Variants in STAU2 observed in about 807,000 individuals in gnomAD.
The protein encoded by STAU2 is double-stranded RNA-binding protein Staufen homolog 2.
A neutral mutation model predicts 65.9 loss-of-function variants in STAU2; 20 were observed. That is an observed-to-expected ratio of 0.30 (90% confidence interval 0.21 to 0.44). The LOEUF (loss-of-function observed/expected upper bound fraction) is 0.44, where lower values mean the gene tolerates loss of function less well. STAU2 is among the 20% of genes least tolerant of loss of function. The probability of loss-of-function intolerance (pLI) is 1.00; values close to 1 mark genes in which losing one functional copy is unlikely to be tolerated. For missense variants in STAU2, 558 were observed against 683.9 expected, an observed-to-expected ratio of 0.82 and a Z score of 2.05; for synonymous variants, 232 against 233.9, an observed-to-expected ratio of 0.99 and a Z score of 0.07.
chr8:73,457,395 G>T (rs1819125848), intron 13 of STAU2, among the ~76,000 whole-genome samples: 1 of 152,202 alleles, frequency 6.6e-6, no homozygotes, highest in Admixed American at 6.5e-5. Flanking sequence ...CAGGGGCTGT[G>T]TGGCCTCCAC....
rs140667237 is a variant in STAU2 at position 73,552,107 on chromosome 8, C to T, written c.1435G>A (p.Ala479Thr). Residue 479 changes from alanine to threonine, a missense_variant, in exon 13 of 15, where the codon GCC becomes ACC. Ala to Thr is a moderately conservative substitution (Grantham distance 58). This residue lies in a region of STAU2 where 247 missense variants were observed against 270.1 expected (regional missense o/e 0.91). Coordinates refer to ENST00000524300, the MANE Select transcript of STAU2 (RefSeq NM_001164380.2). Reference sequence around the variant, plus strand: ...GGAGAACTTCCTTTTAAACCTATGGCTTCAGCTGTAGAAGATGTTCCATTC... The same window carrying T: ...GGAGAACTTCCTTTTAAACCTATGGTTTCAGCTGTAGAAGATGTTCCATTC... Reference protein sequence around the residue: ...LMNGTSSTAEAIGLKGSSPTP... With the variant: ...LMNGTSSTAETIGLKGSSPTP... 3.7e-6 allele frequency: 6 copies of T among 1,613,690 alleles called. No homozygotes were observed. The highest frequency in any genetic ancestry group is 2.7e-5 in the African/African-American group (2 of 74,914).
At chr8:73,703,306 T>C (rs1820255118) in intron 4 of STAU2, among the ~76,000 whole-genome samples, 2 of 152,168 alleles carry the variant, frequency 1.3e-5, no homozygotes, top group South Asian at 4.1e-4. Flanking sequence ...CTCCTGCTTT[T>C]ACCATATGAC....
At chr8:73,705,622 A>G (rs1397538016) in intron 4 of STAU2, among the ~76,000 whole-genome samples, 1 of 152,196 alleles carries the variant, frequency 6.6e-6, no homozygotes, top group African/African-American at 2.4e-5. Flanking sequence ...TAGGAAATAA[A>G]CTAATATTAC....
At chr8:73,499,720 G>A (rs539506648) in intron 13 of STAU2, among the ~76,000 whole-genome samples, 92 of 151,924 alleles carry the variant, frequency 6.1e-4, no homozygotes, top group African/African-American at 2.2e-3. Flanking sequence ...AGGACAGAAT[G>A]GTGGAGGTGG....
intron 13 of STAU2, among the ~76,000 whole-genome samples, chr8:73,535,236 C>G (rs1022361246): frequency 6.6e-6 from 1 of 152,034 alleles, no homozygotes; most frequent in African/African-American, 2.4e-5. Context: ...GTGGCGTGAT[C>G]TTGGCTCACT....
chr8:73,664,386 A>T (rs1360571873), intron 6 of STAU2, among the ~76,000 whole-genome samples: 3 of 152,202 alleles, frequency 2.0e-5, no homozygotes, highest in Non-Finnish European at 4.4e-5. Context: ...CTGATCTTAC[A>T]AGTATTCAGT....
intron 10 of STAU2, among the ~76,000 whole-genome samples, chr8:73,599,461 C>T (rs1811463782): frequency 6.6e-6 from 1 of 151,874 alleles, no homozygotes; most frequent in Non-Finnish European, 1.5e-5. Context: ...GTGGGCAATC[C>T]ATATCTGAAA....
chr8:73,516,831 A>G lies in STAU2; in HGVS notation c.1530+35181T>C, dbSNP rs1822753364. Among the ~76,000 whole-genome samples the G allele has an allele frequency of 4.6e-5, 7 of 152,312 alleles. No individual in the cohort carries two copies. In the South Asian group the frequency reaches 1.2e-3, roughly 27 times the overall value. On this transcript the variant is annotated intron_variant, in intron 13 of 14. Transcript: ENST00000524300. ...TGCTCTCAAATCCGTGGCCTAGGGA[A>G]CTATATTCCATTGATCATCACTTTA... is the stretch of plus-strand genomic sequence containing the variant.
intron 12 of STAU2, among the ~76,000 whole-genome samples, chr8:73,563,539 C>T (rs1418140232): frequency 6.6e-6 from 1 of 152,084 alleles, no homozygotes; most frequent in Non-Finnish European, 1.5e-5. Context: ...TATATTAATA[C>T]CTTAGTTGTG....
chr8:73,583,891 G>C (rs1266800641), intron 11 of STAU2, among the ~76,000 whole-genome samples: 4 of 152,010 alleles, frequency 2.6e-5, no homozygotes, highest in Non-Finnish European at 5.9e-5. Context: ...TTATCTTTCT[G>C]TACAGCTGGT....
At chr8:73,476,568 C>G (rs1180371318) in intron 13 of STAU2, among the ~76,000 whole-genome samples, 4 of 152,138 alleles carry the variant, frequency 2.6e-5, no homozygotes, top group Admixed American at 6.5e-5. Flanking sequence ...TTGATCACAG[C>G]TGTATAACAT....
intron 13 of STAU2, among the ~76,000 whole-genome samples, chr8:73,454,806 A>G (rs904297790): frequency 2.6e-5 from 4 of 152,336 alleles, no homozygotes; most frequent in African/African-American, 9.6e-5. Context: ...GTATATTAAC[A>G]CACACAGATC....
At chr8:73,478,514 CTTGTCA>C (rs1410779750) in intron 13 of STAU2, among the ~76,000 whole-genome samples, 1 of 151,652 alleles carries the variant, frequency 6.6e-6, no homozygotes, top group Non-Finnish European at 1.5e-5. Flanking sequence ...TTTTTTATAC[CTTGTCA>C]TTAAGTCTCA....
At chr8:73,657,398 T>C (rs1045015421) in intron 6 of STAU2, among the ~76,000 whole-genome samples, 3 of 152,138 alleles carry the variant, frequency 2.0e-5, no homozygotes, top group Admixed American at 6.6e-5. Context: ...ATTAAGTAAT[T>C]TGTACATGAA....
chr8:73,442,318 C>T (rs1380264192), intron 13 of STAU2, among the ~76,000 whole-genome samples: 1 of 146,122 alleles, frequency 6.8e-6, no homozygotes. Context: ...TGCACCACTG[C>T]GCTCCAGCCT....
chr8:73,484,053 T>G (rs1428439502), intron 13 of STAU2, among the ~76,000 whole-genome samples: 1 of 152,146 alleles, frequency 6.6e-6, no homozygotes, highest in African/African-American at 2.4e-5. Flanking sequence ...CAATTAGTGT[T>G]CACTTTTAGT....
intron 5 of STAU2, among the ~76,000 whole-genome samples, chr8:73,674,729 A>G (rs1164933083): frequency 6.6e-6 from 1 of 150,518 alleles, no homozygotes; most frequent in African/African-American, 2.4e-5. Flanking sequence ...TATACATAAA[A>G]TAGACTAAAG....
intron 13 of STAU2, among the ~76,000 whole-genome samples, chr8:73,425,221 G>C (rs1816714497): frequency 6.6e-6 from 1 of 152,208 alleles, no homozygotes. Context: ...GATTAGTACA[G>C]ATGTAATTAG....
intron 13 of STAU2, among the ~76,000 whole-genome samples, chr8:73,429,208 A>G (rs1393105903): frequency 6.6e-6 from 1 of 152,078 alleles, no homozygotes; most frequent in African/African-American, 2.4e-5. Context: ...AAACAGTAAT[A>G]GCTACCATTC....
Sources: allele counts gnomAD v4.1 joint callset (sites outside exome capture counted in the v4.1 genomes callset), GRCh38; gene constraint gnomAD v4.1.1; regional missense constraint gnomAD v4.1.1; transcripts MANE v1.5; gene names NCBI Gene and HGNC (gene_info 2026-07-23, HGNC 2026-07-21).